ZG16: variants seen among roughly 807,000 people sequenced by gnomAD.
ZG16 encodes zymogen granule protein 16, also known as zymogen granule membrane protein 16.
In ZG16, 9 loss-of-function variants were observed where a neutral mutation model predicts 15.6. That is an observed-to-expected ratio of 0.58 (90% CI 0.35 to 1.00). The LOEUF (loss-of-function observed/expected upper bound fraction) is 1.00. Among genes scored for constraint, ZG16 ranks in the 50% least tolerant of loss-of-function variants. ZG16 has a pLI of 0.02. For missense variants in ZG16, 174 were observed against 214.8 expected (o/e 0.81, Z 1.19); for synonymous variants, 89 against 87.4 (o/e 1.02, Z -0.10).
Position 29,779,356 on chromosome 16 carries a change from T to TAC in ZG16, c.55+35_55+36insAC, listed in dbSNP as rs1354389926. On this transcript the variant is annotated intron_variant, in intron 2 of 3. Transcript: ENST00000400752. ...ATACCAGGAGCCTGGTATTGGGGAC[T>TAC]TGGGAAGGCAGCCTTGGGCACTGCT... 3.9e-6 allele frequency: 6 copies of TAC among 1,536,762 alleles called. No individual in the cohort carries two copies. In the African/African-American group the frequency reaches 8.2e-5, roughly 21 times the overall value.
At chr16:29,778,878 C>T (rs140978835) in intron 1 of ZG16, among the ~76,000 whole-genome samples, 3,219 of 152,252 alleles carry the variant, frequency 0.021, 106 homozygotes, top group African/African-American at 0.073. Flanking sequence ...CCTTAGAAAA[C>T]TCGTTTCCTG....
At chr16:29,779,782 C>T (rs576056576) in intron 3 of ZG16, 145 bp downstream of exon 3, 20 of 1,164,354 alleles carry the variant, frequency 1.7e-5, no homozygotes, top group Non-Finnish European at 1.9e-5. Context: ...TTAAACCATG[C>T]TCCAGGTACC....
At position 29,780,747 on chromosome 16, in the gene ZG16, A is replaced by G; in HGVS notation, c.*328A>G. 3.8e-6 allele frequency: 1 copy of G among 260,118 alleles called. No homozygotes were observed. 16.1% of individuals were successfully genotyped at this position (260,118 alleles called of 1,614,324 possible). On this transcript the variant is annotated 3_prime_UTR_variant, in exon 4 of 4. Coordinates refer to ENST00000400752, the MANE Select transcript of ZG16 (RefSeq NM_152338.4). ...TCCTTGGAACATTGATCCAAACTGG[A>G]GTCATGGGTCTGAGGGCAAGGCCTA...
chr16:29,779,253 A>T lies in ZG16; in HGVS notation c.-7-7A>T. Reference sequence around the variant, plus strand: ...AATCTTCATTTGCTCTTTTCTTCCCACTCCAGCCCCAGAATGTTGACAGTC... The same window carrying T: ...AATCTTCATTTGCTCTTTTCTTCCCTCTCCAGCCCCAGAATGTTGACAGTC... On this transcript the variant is annotated splice_region_variant and splice_polypyrimidine_tract_variant and intron_variant, in intron 1 of 3. Coordinates refer to ENST00000400752, the MANE Select transcript of ZG16 (RefSeq NM_152338.4). 6.5e-7 allele frequency: 1 copy of T among 1,537,466 alleles called. No homozygotes were observed. The highest frequency in any genetic ancestry group is 8.7e-7 in the Non-Finnish European group (1 of 1,146,952).
rs920019922 is a variant in ZG16, at chr16:29,780,355, G to A, written c.440G>A (p.Gly147Asp). ...CTCCGCTTCATCAGTGGCCGGTCTG[G>A]TTCTCTCATCGATGCCATTGGCCTG... ...TVLRFISGRS[G>D]SLIDAIGLHW... The change falls in exon 4 of 4, where the codon GGT (glycine) becomes GAT (aspartate). Residue 147 changes from glycine (G) to aspartate (D), a missense_variant. Physicochemically the swap from Gly to Asp is moderately conservative, Grantham distance 94. Transcript: ENST00000400752. 1.3e-6 allele frequency: 2 copies of A among 1,537,268 alleles called. No individual in the cohort carries two copies. The highest frequency in any genetic ancestry group is 2.4e-5 in the South Asian group (2 of 84,068).
At chr16:29,779,092 A>G (rs1175707339) in intron 1 of ZG16, among the ~76,000 whole-genome samples, 168 bp from the exon 2 acceptor site, 2 of 152,216 alleles carry the variant, frequency 1.3e-5, no homozygotes, top group East Asian at 3.8e-4. Flanking sequence ...AGAGAGGAAC[A>G]GGACTACAGG....
Position 29,782,279 on chromosome 16 carries a change from A to T in ZG16, c.*1860A>T, listed in dbSNP as rs1282937532. On this transcript the variant is annotated 3_prime_UTR_variant, in exon 4 of 4. Coordinates refer to ENST00000400752, the MANE Select transcript of ZG16 (RefSeq NM_152338.4). ...TCCATGCAGTTGGCTCAAGAAAAGG[A>T]TATGGTAGTTGGGCAAGGGGGCTCA... is the stretch of plus-strand genomic sequence containing the variant. 1 of 151,826 alleles carries T rather than the reference A, an allele frequency of 6.6e-6. No individual in the cohort carries two copies. Among genetic ancestry groups the T allele is most frequent in the Non-Finnish European group, 1.5e-5 (1 of 67,966 alleles). 9.4% of individuals were successfully genotyped at this position (151,826 alleles called of 1,614,324 possible). A position where few individuals can be genotyped will look rare whatever the true frequency, so the allele number is the denominator to read the frequency against.
In ZG16 at chr16:29,779,284, C is replaced by T; in HGVS notation, c.18C>T (p.Leu6=). The T allele has an allele frequency of 6.5e-7, 1 of 1,537,752 alleles. No individual in the cohort carries two copies. The highest frequency in any genetic ancestry group is 8.7e-7 in the Non-Finnish European group (1 of 1,147,024). The change falls in exon 2 of 4, where the codon CTC becomes CTT. Residue 6 remains leucine (L), a synonymous_variant. Coordinates refer to ENST00000400752, the MANE Select transcript of ZG16 (RefSeq NM_152338.4). MLTVA[L]LALLCASASG... is the part of the protein sequence containing the mutation. The stretch of plus-strand genomic sequence containing the variant: ...GCCCCAGAATGTTGACAGTCGCTCT[C>T]CTAGCCCTTCTCTGTGCCTCAGCCT...
At position 29,782,568 on chromosome 16, in the gene ZG16, C is replaced by G. The variant is rs190272440; in HGVS notation, c.*2149C>G. The G allele has an allele frequency of 1.1e-3, 171 of 152,366 alleles. No homozygotes were observed. The highest frequency in any genetic ancestry group is 4.0e-3 in the African/African-American group (165 of 41,572). The allele number at this position is 152,366 out of a possible 1,614,324, so 9.4% of individuals were successfully genotyped here. ...ACCTGAAACGCAACACAGCATCATG[C>G]TCTGATTCATCAGTGATTCCCTAAT... is the stretch of plus-strand genomic sequence containing the variant. On this transcript the variant is annotated 3_prime_UTR_variant, in exon 4 of 4. Transcript: ENST00000400752.
Position 29,779,288 on chromosome 16 carries a change from G to C in ZG16, c.22G>C (p.Ala8Pro). The change falls in exon 2 of 4, where the codon GCC becomes CCC. Residue 8 changes from alanine (A) to proline (P), a missense_variant. Ala to Pro is a conservative substitution (Grantham distance 27, BLOSUM62 -1). Coordinates refer to ENST00000400752, the MANE Select transcript of ZG16 (RefSeq NM_152338.4). ...CAGAATGTTGACAGTCGCTCTCCTAGCCCTTCTCTGTGCCTCAGCCTCTGG... is the reference window on the plus strand; with the variant it reads ...CAGAATGTTGACAGTCGCTCTCCTACCCCTTCTCTGTGCCTCAGCCTCTGG... MLTVALLALLCASASGNA... is the reference protein window; with the variant it reads MLTVALLPLLCASASGNA... The C allele has an allele frequency of 2.6e-6, 4 of 1,537,768 alleles. No homozygotes were observed. The highest frequency in any genetic ancestry group is 3.5e-6 in the Non-Finnish European group (4 of 1,147,036).
intron 3 of ZG16, 73 bp from the exon 4 acceptor site, chr16:29,780,031 T>C: frequency 7.4e-7 from 1 of 1,355,270 alleles, no homozygotes; most frequent in Admixed American, 2.3e-5. Context: ...CTTCACAGTC[T>C]GTAGGACTAG....
At chr16:29,780,038 C>T (rs937401789) in intron 3 of ZG16, 66 bp from the exon 4 acceptor site, 5 of 1,393,736 alleles carry the variant, frequency 3.6e-6, no homozygotes, top group Admixed American at 2.2e-5. Flanking sequence ...GTCTGTAGGA[C>T]TAGCCAGAGA....
At chr16:29,779,682 G>C (rs1363816755) in intron 3 of ZG16, 45 bp downstream of exon 3, 2 of 1,534,274 alleles carry the variant, frequency 1.3e-6, no homozygotes, top group African/African-American at 2.7e-5. Flanking sequence ...GCTCACATCT[G>C]TCATTACAAT....
Position 29,779,994 on chromosome 16 carries a change from T to C in ZG16, c.189-110T>C, listed in dbSNP as rs1898604249. On this transcript the variant is annotated intron_variant, in intron 3 of 3. Transcript: ENST00000400752. ...GTTGGCAAAATGAGTTGAAGTTCCC[T>C]GTAGGATCTTCCAGGGTTCACCCAG... 6 of 1,041,630 alleles carry C rather than the reference T, an allele frequency of 5.8e-6. No individual in the cohort carries two copies. In the South Asian group the frequency reaches 8.5e-5, roughly 15 times the overall value. 64.5% of individuals were successfully genotyped at this position (1,041,630 alleles called of 1,614,324 possible).
In ZG16 at chr16:29,780,339, A is replaced by T. The variant is rs1395031307; in HGVS notation, c.424A>T (p.Ile142Phe). Residue 142 changes from isoleucine to phenylalanine, a missense_variant, in exon 4 of 4, where the codon ATC becomes TTC. Ile to Phe is a conservative substitution (Grantham distance 21). Coordinates refer to ENST00000400752, the MANE Select transcript of ZG16 (RefSeq NM_152338.4). ...GCACCCCAACACCGTGCTCCGCTTCATCAGTGGCCGGTCTGGTTCTCTCAT... is the reference window on the plus strand; with the variant it reads ...GCACCCCAACACCGTGCTCCGCTTCTTCAGTGGCCGGTCTGGTTCTCTCAT... ...PLHPNTVLRF[I>F]SGRSGSLIDA... The T allele has an allele frequency of 6.5e-7, 1 of 1,537,334 alleles. No homozygotes were observed. The highest frequency in any genetic ancestry group is 1.4e-5 in the African/African-American group (1 of 73,168).
In ZG16 at chr16:29,780,481, C is replaced by A; in HGVS notation, c.*62C>A. 2 of 1,337,022 alleles carry A rather than the reference C, an allele frequency of 1.5e-6. No homozygotes were observed. The highest frequency in any genetic ancestry group is 2.0e-6 in the Non-Finnish European group (2 of 1,022,642). The allele number at this position is 1,337,022 out of a possible 1,614,324, so 82.8% of individuals were successfully genotyped here. On this transcript the variant is annotated 3_prime_UTR_variant, in exon 4 of 4. Coordinates refer to ENST00000400752, the MANE Select transcript of ZG16 (RefSeq NM_152338.4). ...TAAGAACTCCCTTATCACTAACCCC[C>A]ATCCAAATGGCTCAATAAAAAAAAT...
chr16:29,779,623 A>G lies in ZG16; in HGVS notation c.174A>G (p.Thr58=). 5 of 1,537,234 alleles carry G rather than the reference A, an allele frequency of 3.3e-6. No individual in the cohort carries two copies. Among genetic ancestry groups the G allele is most frequent in the Non-Finnish European group, 4.4e-6 (5 of 1,146,912 alleles). The change falls in exon 3 of 4, where the codon ACA becomes ACG. Residue 58 remains threonine (T), a synonymous_variant. Coordinates refer to ENST00000400752, the MANE Select transcript of ZG16 (RefSeq NM_152338.4). ...CCGCCCTCCGGGTCCGAGTCAACACATACTACATCGTAGGGTAAGATTCTT... is the reference window on the plus strand; with the variant it reads ...CCGCCCTCCGGGTCCGAGTCAACACGTACTACATCGTAGGGTAAGATTCTT... ...PITALRVRVN[T]YYIVGLQVRY... is the part of the protein sequence containing the mutation.
Position 29,782,609 on chromosome 16 carries a change from G to A in ZG16, c.*2190G>A, listed in dbSNP as rs1750226882. 6.6e-6 allele frequency: 1 copy of A among 152,040 alleles called. No individual in the cohort carries two copies. The highest frequency in any genetic ancestry group is 6.6e-5 in the Admixed American group (1 of 15,254). 9.4% of individuals were successfully genotyped at this position (152,040 alleles called of 1,614,324 possible). On this transcript the variant is annotated 3_prime_UTR_variant, in exon 4 of 4. Coordinates refer to ENST00000400752, the MANE Select transcript of ZG16 (RefSeq NM_152338.4). Reference sequence around the variant, plus strand: ...ATTCCCTAATCAATGCCATTGGCTTGCATTGGGACTATCTATCCCAGCCTA... The same window carrying A: ...ATTCCCTAATCAATGCCATTGGCTTACATTGGGACTATCTATCCCAGCCTA...
At position 29,780,414 on chromosome 16, in the gene ZG16, T is replaced by C. The variant is rs1459905161; in HGVS notation, c.499T>C (p.Cys167Arg). ...TGTTTACCCCAGTAGCTGCAGCAGATGCTGAGCCTCCTCTCCTTGGCAGGG... is the reference window on the plus strand; with the variant it reads ...TGTTTACCCCAGTAGCTGCAGCAGACGCTGAGCCTCCTCTCCTTGGCAGGG... ...WDVYPSSCSR[C>R] is the part of the protein sequence containing the mutation. The change falls in exon 4 of 4, where the codon TGC becomes CGC. Residue 167 changes from cysteine (C) to arginine (R), a missense_variant. By Grantham distance (180) the Cys-to-Arg change is radical. Coordinates refer to ENST00000400752, the MANE Select transcript of ZG16 (RefSeq NM_152338.4). The C allele has an allele frequency of 2.0e-6, 3 of 1,527,288 alleles. No homozygotes were observed. The East Asian group carries it at 7.4e-5, about 38-fold the overall frequency. 94.6% of individuals were successfully genotyped at this position (1,527,288 alleles called of 1,614,324 possible). A position where few individuals can be genotyped will look rare whatever the true frequency, so the allele number is the denominator to read the frequency against.
Sources: allele counts gnomAD v4.1 joint callset (sites outside exome capture counted in the v4.1 genomes callset), GRCh38; gene constraint gnomAD v4.1.1; transcripts MANE v1.5; gene names NCBI Gene and HGNC (gene_info 2026-07-23, HGNC 2026-07-21).